Variants in MTUS2 observed in about 807,000 individuals in gnomAD.
MTUS2 encodes the protein microtubule associated scaffold protein 2.
A neutral mutation model predicts 114.1 loss-of-function variants in MTUS2; 40 were observed. The observed-to-expected ratio is 0.35, with a 90% CI of 0.27 to 0.46. The LOEUF is 0.46. Ranked by LOEUF, MTUS2 falls within the 20% of genes least tolerant of loss-of-function variation. MTUS2 has a pLI of 1.00. For synonymous variants in MTUS2, 688 were observed against 672.0 expected (o/e 1.02, Z -0.37); for missense variants, 1,679 against 1,705.4 (o/e 0.98, Z 0.27).
At chr13:29,283,836 G>A (rs1172309949) in intron 6 of MTUS2, among the ~76,000 whole-genome samples, 1 of 152,158 alleles carries the variant, frequency 6.6e-6, no homozygotes, top group East Asian at 1.9e-4. Flanking sequence ...TCACTGATAA[G>A]AAAAACGTAA....
At chr13:28,909,459 AT>A (rs1282498682) in intron 2 of MTUS2, among the ~76,000 whole-genome samples, 2 of 152,098 alleles carry the variant, frequency 1.3e-5, no homozygotes, top group African/African-American at 4.8e-5. Context: ...GCAATTGTGA[AT>A]GGGAGTTCAC....
intron 7 of MTUS2, among the ~76,000 whole-genome samples, chr13:29,327,224 A>T (rs1034269728): frequency 6.6e-6 from 1 of 152,200 alleles, no homozygotes; most frequent in East Asian, 1.9e-4. Flanking sequence ...GTTGTAAAAC[A>T]TATCTATTGT....
intron 5 of MTUS2, among the ~76,000 whole-genome samples, chr13:29,235,607 T>C (rs996610749): frequency 6.6e-6 from 1 of 152,184 alleles, no homozygotes; most frequent in Admixed American, 6.5e-5. Flanking sequence ...TTTTAAGGAA[T>C]TATCCCGATT....
chr13:29,022,027 G>A (rs1172501053), intron 2 of MTUS2, among the ~76,000 whole-genome samples: 1 of 152,182 alleles, frequency 6.6e-6, no homozygotes, highest in South Asian at 2.1e-4. Flanking sequence ...GAACAGAAGA[G>A]CAGTGTGGTA....
At chr13:29,245,059 A>G (rs1896870977) in intron 5 of MTUS2, among the ~76,000 whole-genome samples, 1 of 151,778 alleles carries the variant, frequency 6.6e-6, no homozygotes, top group Non-Finnish European at 1.5e-5. Flanking sequence ...TGGAGATTGA[A>G]AACATCCTAT....
intron 4 of MTUS2, among the ~76,000 whole-genome samples, chr13:29,055,079 C>T (rs1003575180): frequency 6.6e-6 from 1 of 151,966 alleles, no homozygotes; most frequent in Non-Finnish European, 1.5e-5. Context: ...CAGTCCTTTA[C>T]ATTTTTATTA....
chr13:29,454,503 A>G (rs1005573130), intron 9 of MTUS2, among the ~76,000 whole-genome samples: 3 of 152,214 alleles, frequency 2.0e-5, no homozygotes, highest in African/African-American at 7.2e-5. Flanking sequence ...ATTAATTTAC[A>G]ATAAGAAATA....
rs1354014226 is a variant in MTUS2 at position 29,505,068 on chromosome 13, C to G, written c.*1862C>G. ...TACACAGTAAATCCACATGGAAACA[C>G]CACCATTTCTCTTTGCTTTAGTGGC... On this transcript the variant is annotated 3_prime_UTR_variant, in exon 16 of 16. Coordinates refer to ENST00000612955, the MANE Select transcript of MTUS2 (RefSeq NM_001033602.4). 1.7e-5 allele frequency: 4 copies of G among 232,192 alleles called. No individual in the cohort carries two copies. Among genetic ancestry groups the G allele is most frequent in the Non-Finnish European group, 3.4e-5 (4 of 117,398 alleles). The allele number at this position is 232,192 out of a possible 1,614,324, so 14.4% of individuals were successfully genotyped here.
At chr13:29,020,883 C>T (rs1886265779) in intron 2 of MTUS2, among the ~76,000 whole-genome samples, 1 of 151,160 alleles carries the variant, frequency 6.6e-6, no homozygotes, top group South Asian at 2.1e-4. Context: ...GAAGACCTGT[C>T]TCTGGAGGCC....
intron 8 of MTUS2, among the ~76,000 whole-genome samples, chr13:29,423,941 G>A (rs574588159): frequency 1.3e-4 from 19 of 150,984 alleles, no homozygotes; most frequent in African/African-American, 3.7e-4. Context: ...CTCGGCTCAC[G>A]GCAACCTCGG....
chr13:28,929,981 G>A (rs1881528191), intron 2 of MTUS2, among the ~76,000 whole-genome samples: 1 of 152,170 alleles, frequency 6.6e-6, no homozygotes, highest in African/African-American at 2.4e-5. Flanking sequence ...GGGAAAGGGA[G>A]GCCTGAGGAC....
At chr13:28,972,763 G>A (rs555570291) in intron 2 of MTUS2, among the ~76,000 whole-genome samples, 12 of 152,230 alleles carry the variant, frequency 7.9e-5, no homozygotes, top group South Asian at 4.2e-4. Context: ...AACAATTTTT[G>A]TTTTGTGAAT....
At chr13:29,173,775 A>C (rs1314640191) in intron 5 of MTUS2, among the ~76,000 whole-genome samples, 1 of 152,094 alleles carries the variant, frequency 6.6e-6, no homozygotes, top group Non-Finnish European at 1.5e-5. Flanking sequence ...TTTGTACCTT[A>C]AATAAACCTG....
chr13:29,362,597 GT>G (rs879924089), intron 8 of MTUS2, among the ~76,000 whole-genome samples: 1 of 152,180 alleles, frequency 6.6e-6, no homozygotes, highest in Non-Finnish European at 1.5e-5. Context: ...TGAGGCAGGA[GT>G]ATTGCTTGAA....
At chr13:29,031,315 A>C (rs1423086404) in intron 3 of MTUS2, among the ~76,000 whole-genome samples, 3 of 81,542 alleles carry the variant, frequency 3.7e-5, no homozygotes, top group African/African-American at 8.8e-5. Flanking sequence ...ATGTCTCTCA[A>C]TATATATTAT....
chr13:29,385,172 T>C (rs1338298226), intron 8 of MTUS2, among the ~76,000 whole-genome samples: 1 of 152,158 alleles, frequency 6.6e-6, no homozygotes, highest in Non-Finnish European at 1.5e-5. Context: ...TGCCGACATT[T>C]GTGAGAAATA....
intron 9 of MTUS2, among the ~76,000 whole-genome samples, chr13:29,477,325 T>A (rs966953922): frequency 1.3e-5 from 2 of 152,180 alleles, no homozygotes; most frequent in African/African-American, 4.8e-5. Context: ...TATATCTACC[T>A]CTTACCTCTT....
chr13:29,043,469 T>G (rs886701709), intron 4 of MTUS2, among the ~76,000 whole-genome samples: 6 of 152,126 alleles, frequency 3.9e-5, no homozygotes, highest in African/African-American at 1.4e-4. Flanking sequence ...ATAGTTTAAG[T>G]CCATTGTTGT....
intron 5 of MTUS2, among the ~76,000 whole-genome samples, chr13:29,177,044 CTCTT>C (rs1893803796): frequency 6.6e-6 from 1 of 151,184 alleles, no homozygotes; most frequent in African/African-American, 2.5e-5. Context: ...TCATCCATCT[CTCTT>C]TCTAGACTTG....
Sources: gnomAD v4.1 joint callset for allele counts (sites outside exome capture counted in the v4.1 genomes callset) on GRCh38, gnomAD v4.1.1 for gene constraint, MANE v1.5 for transcripts, NCBI Gene and HGNC (gene_info 2026-07-23, HGNC 2026-07-21) for gene names.